DAB1: variants seen among roughly 807,000 people sequenced by gnomAD.
DAB1 encodes the protein disabled homolog 1.
In DAB1, 15 loss-of-function variants were observed where a neutral mutation model predicts 64.6. That is an observed-to-expected ratio of 0.23 (90% CI 0.16 to 0.36). The LOEUF (loss-of-function observed/expected upper bound fraction) is 0.36, where lower values mean the gene tolerates loss of function less well. Among genes scored for constraint, DAB1 ranks in the 10% least tolerant of loss-of-function variants. The pLI, the probability that DAB1 is intolerant of heterozygous loss-of-function variation, is 1.00. For missense variants in DAB1, 596 were observed against 706.7 expected, an observed-to-expected ratio of 0.84 and a Z score of 1.78; for synonymous variants, 235 against 251.9, an observed-to-expected ratio of 0.93 and a Z score of 0.64.
chr1:57,439,433 T>TTTTTTTGTTTTTTTTTG (rs1558381538), intron 7 of DAB1, among the ~76,000 whole-genome samples: 2 of 131,926 alleles, frequency 1.5e-5, no homozygotes, highest in Non-Finnish European at 3.2e-5. Flanking sequence ...TTCTTTTTTT[T>TTTTTTTGTTTTTTTTTG]TTTTTTTTTT....
intron 1 of DAB1, among the ~76,000 whole-genome samples, chr1:57,846,976 T>C (rs1223722620): frequency 6.6e-6 from 1 of 152,210 alleles, no homozygotes; most frequent in Non-Finnish European, 1.5e-5. Context: ...CTGAAGCACA[T>C]GGTACTTAAC....
chr1:57,515,068 C>G (rs1644448103), intron 7 of DAB1, among the ~76,000 whole-genome samples: 1 of 151,544 alleles, frequency 6.6e-6, no homozygotes, highest in Non-Finnish European at 1.5e-5. Flanking sequence ...CTTTAGGCAC[C>G]TAGAAAACCA....
At chr1:57,217,110 C>A (rs1666482728) in intron 2 of DAB1, among the ~76,000 whole-genome samples, 1 of 152,136 alleles carries the variant, frequency 6.6e-6, no homozygotes, top group Admixed American at 6.5e-5. Flanking sequence ...CAGGATGGCA[C>A]AGATAACGAT....
intron 5 of DAB1, among the ~76,000 whole-genome samples, chr1:58,044,011 C>G (rs1456170340): frequency 6.6e-6 from 1 of 152,180 alleles, no homozygotes; most frequent in Non-Finnish European, 1.5e-5. Flanking sequence ...CAGATGTGAG[C>G]CACTGTGCTC....
intron 1 of DAB1, among the ~76,000 whole-genome samples, chr1:57,411,706 G>A (rs1472131947): frequency 6.6e-6 from 1 of 152,122 alleles, no homozygotes; most frequent in African/African-American, 2.4e-5. Context: ...TCCCTACTCC[G>A]CATCCCCACT....
intron 6 of DAB1, among the ~76,000 whole-genome samples, chr1:57,799,986 GA>G (rs1454200589): frequency 6.6e-6 from 1 of 152,282 alleles, no homozygotes; most frequent in African/African-American, 2.4e-5. Flanking sequence ...TGGAGTCATT[GA>G]ATAATGGACA....
intron 7 of DAB1, among the ~76,000 whole-genome samples, chr1:57,436,452 C>A (rs750774213): frequency 1.3e-5 from 2 of 152,190 alleles, no homozygotes; most frequent in African/African-American, 2.4e-5. Flanking sequence ...CAGGCACAGA[C>A]AAAGTGGGGC....
chr1:58,122,629 A>G lies in DAB1; in HGVS notation n.387+27882T>C, dbSNP rs989292021. ...AAAAAATGCATTTTCACACCACAGT[A>G]AAGAGAATAGGTTTTGGAGGCTGAC... On this transcript the variant is annotated intron_variant and non_coding_transcript_variant, in intron 5 of 20. Coordinates refer to the DAB1 transcript ENST00000485760. Among the ~76,000 whole-genome samples, 5 of 152,122 alleles carry G rather than the reference A, an allele frequency of 3.3e-5. No homozygotes were observed. The East Asian group carries it at 9.6e-4, about 29-fold the overall frequency.
chr1:57,876,909 G>A (rs1481979900), intron 1 of DAB1: 1 of 151,980 alleles, frequency 6.6e-6, no homozygotes, highest in Non-Finnish European at 1.5e-5. Flanking sequence ...TGGTACTATG[G>A]GGATAGGGAT....
intron 2 of DAB1, among the ~76,000 whole-genome samples, chr1:57,263,122 T>A (rs1356790581): frequency 6.6e-6 from 1 of 150,846 alleles, no homozygotes; most frequent in African/African-American, 2.4e-5. Flanking sequence ...AAGATAAAAT[T>A]TTTTTTTTTT....
At chr1:58,359,466 A>G (rs937373774) in intron 3 of DAB1, among the ~76,000 whole-genome samples, 2 of 152,210 alleles carry the variant, frequency 1.3e-5, no homozygotes. Context: ...AAATGCAGTG[A>G]GTTCTCAGCT....
intron 1 of DAB1, among the ~76,000 whole-genome samples, chr1:57,310,961 A>C (rs1306884749): frequency 6.6e-6 from 1 of 151,812 alleles, no homozygotes; most frequent in Non-Finnish European, 1.5e-5. Context: ...GTGCCACTGT[A>C]CTCTAGCCTA....
At chr1:57,493,764 T>A (rs58624131) in intron 7 of DAB1, among the ~76,000 whole-genome samples, 12,008 of 148,116 alleles carry the variant, frequency 0.081, 1,489 homozygotes, top group African/African-American at 0.27. Flanking sequence ...TATTCACAGC[T>A]CACACACACA....
intron 4 of DAB1, among the ~76,000 whole-genome samples, chr1:57,111,583 G>C (rs537767776): frequency 1.8e-4 from 27 of 152,204 alleles, no homozygotes; most frequent in Non-Finnish European, 3.5e-4. Context: ...CTCAGCTTAA[G>C]TGTCCCCTTA....
chr1:57,631,894 G>T (rs775248577), intron 7 of DAB1, among the ~76,000 whole-genome samples: 24 of 152,122 alleles, frequency 1.6e-4, no homozygotes, highest in Non-Finnish European at 2.8e-4. Flanking sequence ...TACCTTCCCT[G>T]CTCCATGTTA....
At chr1:57,179,984 A>G (rs764181372) in intron 2 of DAB1, among the ~76,000 whole-genome samples, 24 of 152,146 alleles carry the variant, frequency 1.6e-4, no homozygotes, top group African/African-American at 5.1e-4. Context: ...TCCGGGATGA[A>G]AAAAAGGAAA....
chr1:57,304,463 T>C (rs1673966090), intron 1 of DAB1, among the ~76,000 whole-genome samples: 1 of 152,110 alleles, frequency 6.6e-6, no homozygotes, highest in Non-Finnish European at 1.5e-5. Flanking sequence ...AGAAAAGCCA[T>C]GAGCATCACC....
intron 3 of DAB1, among the ~76,000 whole-genome samples, chr1:58,472,451 T>C (rs1313865379): frequency 6.6e-6 from 1 of 152,258 alleles, no homozygotes; most frequent in East Asian, 1.9e-4. Context: ...TAAGTCTTGC[T>C]TAGAAACAGC....
intron 1 of DAB1, among the ~76,000 whole-genome samples, chr1:57,315,253 A>C (rs897474220): frequency 4.6e-5 from 7 of 152,222 alleles, no homozygotes; most frequent in Admixed American, 2.0e-4. Flanking sequence ...GTATCATTTC[A>C]AACTATTTAT....
Sources: allele counts gnomAD v4.1 joint callset (sites outside exome capture counted in the v4.1 genomes callset), GRCh38; gene constraint gnomAD v4.1.1; transcripts MANE v1.5; gene names NCBI Gene and HGNC (gene_info 2026-07-23, HGNC 2026-07-21).